The following GRIK2 variants were observed in gnomAD, a reference collection of about 807,000 sequenced individuals.
GRIK2 encodes glutamate receptor ionotropic, kainate 2.
Under a neutral mutation model 100.3 loss-of-function variants are expected in GRIK2, and 32 were observed. The ratio of observed to expected loss-of-function variants is 0.32; its 90% CI spans 0.24 to 0.43. The LOEUF (loss-of-function observed/expected upper bound fraction) is 0.43, where lower values mean the gene tolerates loss of function less well. GRIK2 is among the 20% of genes least tolerant of loss of function. The probability of loss-of-function intolerance (pLI) is 1.00; values close to 1 mark genes in which losing one functional copy is unlikely to be tolerated. For missense variants in GRIK2, 843 were observed against 1,114.9 expected (o/e 0.76, Z 3.47); for synonymous variants, 417 against 389.4 (o/e 1.07, Z -0.83).
At chr6:101,908,830 T>C (rs1187461541) in intron 12 of GRIK2, among the ~76,000 whole-genome samples, 1 of 151,150 alleles carries the variant, frequency 6.6e-6, no homozygotes, top group South Asian at 2.1e-4. Flanking sequence ...AAATGAAATA[T>C]CAATCATATT....
chr6:101,897,334 TAC>T (rs1787536599), intron 12 of GRIK2, among the ~76,000 whole-genome samples: 1 of 151,864 alleles, frequency 6.6e-6, no homozygotes. Flanking sequence ...TACCAAGTGA[TAC>T]ACTTTTTCTT....
rs570024276 is a variant in GRIK2 at position 101,806,165 on chromosome 6, T to C, written c.1203+3727T>C. On this transcript the variant is annotated intron_variant, in intron 9 of 16. Transcript: ENST00000369134. ...GGAGGGCAAGAAGGGGGAAAGACAG[T>C]AGGTACTATTACAGACTTTGCCTAG... Among the ~76,000 whole-genome samples the C allele has an allele frequency of 8.5e-5, 13 of 152,094 alleles. No individual in the cohort carries two copies. In the South Asian group the frequency reaches 2.5e-3, roughly 29 times the overall value.
intron 14 of GRIK2, among the ~76,000 whole-genome samples, chr6:101,981,749 A>C (rs1188365307): frequency 2.0e-5 from 3 of 151,866 alleles, no homozygotes; most frequent in African/African-American, 7.2e-5. Context: ...GGGAAGAAAA[A>C]ATGGAAAAGA....
chr6:101,681,118 A>AT (rs1203982770), intron 5 of GRIK2, among the ~76,000 whole-genome samples: 1 of 151,952 alleles, frequency 6.6e-6, no homozygotes, highest in Non-Finnish European at 1.5e-5. Flanking sequence ...TCTTATTTTT[A>AT]TTTTTTATTT....
At chr6:101,816,547 C>A (rs1006858210) in intron 9 of GRIK2, among the ~76,000 whole-genome samples, 1 of 151,866 alleles carries the variant, frequency 6.6e-6, no homozygotes, top group Non-Finnish European at 1.5e-5. Flanking sequence ...AAAAATTAGC[C>A]GAGCGTGTTG....
At chr6:101,773,571 A>T (rs1778547514) in intron 7 of GRIK2, among the ~76,000 whole-genome samples, 1 of 152,056 alleles carries the variant, frequency 6.6e-6, no homozygotes, top group Admixed American at 6.5e-5. Context: ...GAGTGTAGAA[A>T]TCAATTCTTA....
chr6:102,022,620 C>T (rs13191957), intron 14 of GRIK2, among the ~76,000 whole-genome samples: 41,082 of 151,398 alleles, frequency 0.27, 5,979 homozygotes, highest in East Asian at 0.34. Context: ...TCTATAATAA[C>T]TTTATGCAAA....
At chr6:101,914,672 T>C (rs1788980639) in intron 12 of GRIK2, among the ~76,000 whole-genome samples, 1 of 151,484 alleles carries the variant, frequency 6.6e-6, no homozygotes, top group African/African-American at 2.4e-5. Flanking sequence ...CCTTTTGGCA[T>C]AGTGCTAACT....
At chr6:101,673,665 C>T (rs1683620650) in intron 4 of GRIK2, among the ~76,000 whole-genome samples, 1 of 152,150 alleles carries the variant, frequency 6.6e-6, no homozygotes, top group African/African-American at 2.4e-5. Context: ...ATGTCACCTC[C>T]TTTGGAATAA....
intron 10 of GRIK2, among the ~76,000 whole-genome samples, chr6:101,835,081 G>C (rs910119356): frequency 6.6e-6 from 1 of 152,082 alleles, no homozygotes; most frequent in Non-Finnish European, 1.5e-5. Context: ...GTGCCAATAA[G>C]TATCTTTAAA....
chr6:101,993,024 ATATT>A (rs1476859912), intron 14 of GRIK2, among the ~76,000 whole-genome samples: 1 of 151,546 alleles, frequency 6.6e-6, no homozygotes, highest in Non-Finnish European at 1.5e-5. Context: ...GGTGATTTGA[ATATT>A]TATAAGACTT....
intron 4 of GRIK2, among the ~76,000 whole-genome samples, chr6:101,632,817 C>A (rs769836127): frequency 6.6e-6 from 1 of 151,894 alleles, no homozygotes; most frequent in Non-Finnish European, 1.5e-5. Context: ...AACAAGTGCA[C>A]AGAGAGGCAA....
chr6:101,475,135 T>A (rs1020309838), intron 2 of GRIK2, among the ~76,000 whole-genome samples: 24 of 151,876 alleles, frequency 1.6e-4, no homozygotes, highest in Non-Finnish European at 2.7e-4. Context: ...TTTCCCTGAC[T>A]CTCTCTGATG....
intron 12 of GRIK2, among the ~76,000 whole-genome samples, chr6:101,909,838 C>T (rs1788547403): frequency 6.6e-6 from 1 of 150,878 alleles, no homozygotes; most frequent in African/African-American, 2.4e-5. Flanking sequence ...ATAAACAATT[C>T]TCAAAGGCAT....
intron 12 of GRIK2, among the ~76,000 whole-genome samples, chr6:101,920,836 G>C (rs1430023361): frequency 6.6e-6 from 1 of 151,258 alleles, no homozygotes; most frequent in Non-Finnish European, 1.5e-5. Context: ...TGAATTCCAT[G>C]TTTAAAGTCT....
intron 2 of GRIK2, among the ~76,000 whole-genome samples, chr6:101,553,333 A>C (rs1776599427): frequency 6.6e-6 from 1 of 152,136 alleles, no homozygotes; most frequent in South Asian, 2.1e-4. Context: ...AAAATGTGTT[A>C]ATTAAAGGGA....
intron 14 of GRIK2, among the ~76,000 whole-genome samples, chr6:101,992,485 G>A (rs371261189): frequency 4.0e-5 from 6 of 151,602 alleles, no homozygotes; most frequent in East Asian, 1.9e-4. Context: ...TAATGAGCCC[G>A]TCAAAGCAAA....
At chr6:101,602,984 T>G (rs1779293471) in intron 2 of GRIK2, among the ~76,000 whole-genome samples, 1 of 151,734 alleles carries the variant, frequency 6.6e-6, no homozygotes, top group Non-Finnish European at 1.5e-5. Context: ...TAGCAGGGTC[T>G]TACAGAAATG....
At chr6:101,621,806 C>T (rs1780176300) in intron 2 of GRIK2, 143 bp from the exon 3 acceptor site, 1 of 641,218 alleles carries the variant, frequency 1.6e-6, no homozygotes, top group Non-Finnish European at 2.7e-6. Context: ...CCCTCTCTCT[C>T]TCTCTTTCTC....
Sources: gnomAD v4.1 joint callset for allele counts (sites outside exome capture counted in the v4.1 genomes callset) on GRCh38, gnomAD v4.1.1 for gene constraint, MANE v1.5 for transcripts, NCBI Gene and HGNC (gene_info 2026-07-23, HGNC 2026-07-21) for gene names.